The following PCDH15 variants were observed in gnomAD, a reference collection of about 807,000 sequenced individuals.
PCDH15 encodes the protein protocadherin-15.
PCDH15 carries 129 observed loss-of-function variants against 178.5 expected under a neutral mutation model. The ratio of observed to expected loss-of-function variants is 0.72; its 90% CI spans 0.63 to 0.84. The LOEUF (loss-of-function observed/expected upper bound fraction) is 0.84, where lower values mean the gene tolerates loss of function less well. PCDH15 is among the 40% of genes least tolerant of loss of function. PCDH15 has a pLI of 0.00. For synonymous variants in PCDH15, 800 were observed against 732.0 expected (o/e 1.09, Z -1.50); for missense variants, 2,230 against 2,099.9 (o/e 1.06, Z -1.21).
intron 3 of PCDH15, among the ~76,000 whole-genome samples, chr10:54,452,835 T>C (rs1196784340): frequency 6.6e-6 from 1 of 152,114 alleles, no homozygotes; most frequent in African/African-American, 2.4e-5. Flanking sequence ...GAGTCATGTG[T>C]AAATAATGAC....
chr10:54,445,507 TA>T (rs776274328), intron 3 of PCDH15, among the ~76,000 whole-genome samples: 21 of 151,562 alleles, frequency 1.4e-4, no homozygotes, highest in Non-Finnish European at 2.8e-4. Flanking sequence ...TAGGTTACTT[TA>T]AAAAAATATG....
chr10:54,421,684 A>ATG (rs1453242436), intron 3 of PCDH15, among the ~76,000 whole-genome samples: 2 of 122,478 alleles, frequency 1.6e-5, no homozygotes, highest in Admixed American at 8.3e-5. Context: ...ATATATATAT[A>ATG]TATATATATA....
intron 1 of PCDH15, among the ~76,000 whole-genome samples, chr10:54,789,035 T>C (rs61619830): frequency 0.035 from 5,277 of 151,952 alleles, 259 homozygotes; most frequent in African/African-American, 0.12. Flanking sequence ...TGGGGTCACA[T>C]TGAATGTCTC....
chr10:54,039,431 T>C (rs528763268), intron 18 of PCDH15, among the ~76,000 whole-genome samples: 4 of 152,074 alleles, frequency 2.6e-5, no homozygotes, highest in East Asian at 3.9e-4. Context: ...CCTCAGACTT[T>C]ACATATATTT....
At chr10:55,260,115 T>G (rs1842111267) in intron 1 of PCDH15, among the ~76,000 whole-genome samples, 1 of 150,082 alleles carries the variant, frequency 6.7e-6, no homozygotes, top group Non-Finnish European at 1.5e-5. Flanking sequence ...CATTGTGGGG[T>G]CCAAAGCACA....
At chr10:54,334,359 T>C (rs888942497) in intron 6 of PCDH15, among the ~76,000 whole-genome samples, 1 of 152,150 alleles carries the variant, frequency 6.6e-6, no homozygotes, top group Non-Finnish European at 1.5e-5. Context: ...AGAAGGAATG[T>C]TGAGGCTCTA....
At chr10:55,464,842 T>A (rs1380980886) in intron 2 of PCDH15, among the ~76,000 whole-genome samples, 3 of 149,590 alleles carry the variant, frequency 2.0e-5, no homozygotes, top group Non-Finnish European at 4.4e-5. Context: ...CTTGTGCCCA[T>A]CCTTGATATT....
intron 2 of PCDH15, among the ~76,000 whole-genome samples, chr10:54,648,939 T>C (rs2094194052): frequency 6.6e-6 from 1 of 152,152 alleles, no homozygotes; most frequent in Non-Finnish European, 1.5e-5. Context: ...TTTAAAACAT[T>C]ATCTAAGTCT....
chr10:54,185,293 C>T, intron 11 of PCDH15, 25 bp from the exon 12 acceptor site: 1 of 1,612,650 alleles, frequency 6.2e-7, no homozygotes, highest in East Asian at 2.2e-5. Context: ...GACATCGTTT[C>T]AAACGTTGAA....
rs866330718 is a variant in PCDH15 at position 54,122,004 on chromosome 10, C to G, written c.1917+10871G>C. Among the ~76,000 whole-genome samples, 351 of 144,240 alleles carry G rather than the reference C, an allele frequency of 2.4e-3. 1 individual carries two copies. Among genetic ancestry groups the G allele is most frequent in the East Asian group, 4.6e-3 (23 of 4,992 alleles). 94.6% of individuals were successfully genotyped at this position (144,240 alleles called of 152,430 possible). On this transcript the variant is annotated intron_variant, in intron 15 of 37. Transcript: ENST00000644397. The stretch of plus-strand genomic sequence containing the variant: ...TATCTAAACCGGGCAAAGACACATA[C>G]ACACACACACACACACACACACACA...
At chr10:55,360,799 C>CCTA (rs1845208957) in intron 2 of PCDH15, among the ~76,000 whole-genome samples, 1 of 151,866 alleles carries the variant, frequency 6.6e-6, no homozygotes, top group African/African-American at 2.4e-5. Context: ...CAATAATGAA[C>CCTA]CTACACATTT....
At chr10:55,582,629 T>TATATATATATATGTA in intron 2 of PCDH15, among the ~76,000 whole-genome samples, 1 of 64,776 alleles carries the variant, frequency 1.5e-5, no homozygotes, top group African/African-American at 6.3e-5. Flanking sequence ...TATATATATA[T>TATATATATATATGTA]TTTTTTTTTT....
intron 6 of PCDH15, among the ~76,000 whole-genome samples, chr10:54,342,570 G>C (rs1307798440): frequency 9.2e-6 from 1 of 108,700 alleles, no homozygotes; most frequent in Non-Finnish European, 1.9e-5. Context: ...GGAAAAAGTG[G>C]AATTGGAGTC....
intron 37 of PCDH15, chr10:53,809,168 A>G (rs921529479): frequency 6.2e-7 from 1 of 1,613,714 alleles, no homozygotes; most frequent in African/African-American, 1.3e-5. Context: ...GGTGTCTCTG[A>G]CTCAGATTCC....
At position 54,516,476 on chromosome 10, in the gene PCDH15, T is replaced by G. The variant is rs200581703; in HGVS notation, c.157+11336A>C. ...AGGGTATCAGTGATGGAAGATGAAA[T>G]GAATGAAATGAAGCAAGAAGGGAAG... On this transcript the variant is annotated intron_variant, in intron 3 of 37. Transcript: ENST00000644397. Among the ~76,000 whole-genome samples, 190 of 151,584 alleles carry G rather than the reference T, an allele frequency of 1.3e-3. 3 individuals are homozygous for G. In the East Asian group the frequency reaches 0.017, roughly 13 times the overall value.
At chr10:53,994,086 T>TA (rs2091694194) in intron 21 of PCDH15, among the ~76,000 whole-genome samples, 1 of 152,186 alleles carries the variant, frequency 6.6e-6, no homozygotes, top group Admixed American at 6.5e-5. Context: ...CATAAATACT[T>TA]ACGATAAGTA....
chr10:54,622,341 A>G (rs1656043580), intron 2 of PCDH15, among the ~76,000 whole-genome samples: 3 of 151,050 alleles, frequency 2.0e-5, no homozygotes, highest in African/African-American at 7.3e-5. Context: ...GAAACACTGT[A>G]GTTCTAGGGA....
intron 2 of PCDH15, among the ~76,000 whole-genome samples, chr10:55,006,563 T>G (rs1284313519): frequency 2.6e-5 from 4 of 152,158 alleles, no homozygotes; most frequent in Non-Finnish European, 5.9e-5. Context: ...GGATCCTTCA[T>G]GGCTTGATAA....
intron 10 of PCDH15, among the ~76,000 whole-genome samples, chr10:54,202,243 T>C (rs1467329160): frequency 6.6e-6 from 1 of 152,102 alleles, no homozygotes; most frequent in African/African-American, 2.4e-5. Context: ...CTTGCTTTAC[T>C]TACTGAACTA....
Sources: gnomAD v4.1 joint callset for allele counts (sites outside exome capture counted in the v4.1 genomes callset) on GRCh38, gnomAD v4.1.1 for gene constraint, MANE v1.5 for transcripts, NCBI Gene and HGNC (gene_info 2026-07-23, HGNC 2026-07-21) for gene names.